Variants in TBC1D8 observed in about 807,000 individuals in gnomAD.
The protein encoded by TBC1D8 is TBC1 domain family member 8, also known as BUB2-like protein 1.
Under a neutral mutation model 118.8 loss-of-function variants are expected in TBC1D8, and 65 were observed. The observed-to-expected ratio is 0.55, with a 90% CI of 0.45 to 0.67. The LOEUF is 0.67. Ranked by LOEUF, TBC1D8 falls within the 30% of genes least tolerant of loss-of-function variation. The pLI, the probability that TBC1D8 is intolerant of heterozygous loss-of-function variation, is 0.00. For synonymous variants in TBC1D8, 566 were observed against 595.8 expected, an observed-to-expected ratio of 0.95 and a Z score of 0.73; for missense variants, 1,376 against 1,471.2, an observed-to-expected ratio of 0.94 and a Z score of 1.06.
chr2:101,117,302 CTT>C (rs545224258), intron 1 of TBC1D8, among the ~76,000 whole-genome samples: 1 of 152,310 alleles, frequency 6.6e-6, no homozygotes, highest in South Asian at 2.1e-4. Flanking sequence ...GGCCCTGGCT[CTT>C]TTCCACGCAC....
chr2:101,063,580 A>G (rs546552592), intron 2 of TBC1D8, among the ~76,000 whole-genome samples: 1 of 152,334 alleles, frequency 6.6e-6, no homozygotes, highest in South Asian at 2.1e-4. Context: ...TTTCCTCTGC[A>G]GAGAAGTCTT....
At chr2:101,096,419 C>CAAAAAAAAAAA (rs55824667) in intron 1 of TBC1D8, among the ~76,000 whole-genome samples, 6 of 43,742 alleles carry the variant, frequency 1.4e-4, no homozygotes, top group Non-Finnish European at 1.7e-4. Flanking sequence ...TGGCTTTTGA[C>CAAAAAAAAAAA]AAAAAAAAAA....
intron 2 of TBC1D8, among the ~76,000 whole-genome samples, chr2:101,084,262 C>T (rs546720316): frequency 2.6e-5 from 4 of 152,298 alleles, no homozygotes; most frequent in African/African-American, 7.2e-5. Flanking sequence ...TAGGAACACA[C>T]ATCCCACCGG....
chr2:101,024,988 T>C (rs533897601), intron 15 of TBC1D8, among the ~76,000 whole-genome samples: 21 of 152,312 alleles, frequency 1.4e-4, no homozygotes, highest in Middle Eastern at 3.4e-3. Flanking sequence ...GATTCTCATC[T>C]AGAACAAAGT....
chr2:101,091,117 T>C (rs1676006428), intron 1 of TBC1D8, among the ~76,000 whole-genome samples: 1 of 151,902 alleles, frequency 6.6e-6, no homozygotes, highest in Non-Finnish European at 1.5e-5. Context: ...ACCCCATCTC[T>C]ACTAAAATTA....
chr2:101,063,167 C>T (rs746294139), intron 2 of TBC1D8, among the ~76,000 whole-genome samples: 2 of 152,188 alleles, frequency 1.3e-5, no homozygotes, highest in Non-Finnish European at 2.9e-5. Flanking sequence ...TAACCGCATG[C>T]GTCTTCCTCA....
chr2:101,120,975 G>A (rs1678071454), intron 1 of TBC1D8, among the ~76,000 whole-genome samples: 2 of 152,228 alleles, frequency 1.3e-5, no homozygotes, highest in South Asian at 2.1e-4. Flanking sequence ...GTATCTTTAC[G>A]TTCATTTTTT....
rs1395445820 is a variant in TBC1D8, at chr2:101,072,949, C to A, written c.284-13410G>T. 2.0e-5 allele frequency among the ~76,000 whole-genome samples: 3 copies of A among 152,248 alleles called. No homozygotes were observed. The East Asian group carries it at 5.8e-4, about 29-fold the overall frequency. On this transcript the variant is annotated intron_variant, in intron 2 of 19. Coordinates refer to ENST00000409318, the MANE Select transcript of TBC1D8 (RefSeq NM_001330348.2). ...ATTTCAATATGAGATTCGAAGGGGA[C>A]AAAACACCCAAATCATATCAGTGGG...
chr2:101,146,743 T>C (rs931850809), intron 1 of TBC1D8, among the ~76,000 whole-genome samples: 7 of 152,178 alleles, frequency 4.6e-5, no homozygotes, highest in African/African-American at 1.4e-4. Context: ...AGGCTTCTCA[T>C]TCTCATAGCT....
At chr2:101,087,132 T>A (rs967529199) in intron 2 of TBC1D8, among the ~76,000 whole-genome samples, 9 of 151,972 alleles carry the variant, frequency 5.9e-5, no homozygotes, top group Non-Finnish European at 1.2e-4. Flanking sequence ...TTGGGCTGCA[T>A]TCAAAGCCCT....
At chr2:101,010,395 A>C (rs1210102619) in intron 19 of TBC1D8, among the ~76,000 whole-genome samples, 2 of 152,184 alleles carry the variant, frequency 1.3e-5, no homozygotes, top group Non-Finnish European at 2.9e-5. Flanking sequence ...AACCTGGATA[A>C]ATGAATTTTA....
intron 19 of TBC1D8, among the ~76,000 whole-genome samples, chr2:101,008,805 TTG>T (rs1403268651): frequency 6.9e-6 from 1 of 144,902 alleles, no homozygotes; most frequent in East Asian, 2.0e-4. Flanking sequence ...GAGTAAAACT[TTG>T]TCTTAAAAAA....
chr2:101,090,400 C>G, intron 1 of TBC1D8, 36 bp from the exon 2 acceptor site: 2 of 1,611,424 alleles, frequency 1.2e-6, no homozygotes, highest in African/African-American at 2.7e-5. Context: ...CACCTGTGAG[C>G]ATGGGGCTGG....
chr2:101,075,390 CAAA>C (rs11443594), intron 2 of TBC1D8, among the ~76,000 whole-genome samples: 1 of 133,342 alleles, frequency 7.5e-6, no homozygotes, highest in Non-Finnish European at 1.6e-5. Context: ...GACTCCATCT[CAAA>C]AAAAAAAAAA....
intron 3 of TBC1D8, among the ~76,000 whole-genome samples, 195 bp from the exon 4 acceptor site, chr2:101,054,531 A>AG (rs1347178299): frequency 6.6e-6 from 1 of 151,950 alleles, no homozygotes; most frequent in Non-Finnish European, 1.5e-5. Context: ...CGGCTGCAGC[A>AG]GAAAAAAAAG....
At chr2:101,135,587 C>T (rs1422529850) in intron 1 of TBC1D8, among the ~76,000 whole-genome samples, 2 of 152,216 alleles carry the variant, frequency 1.3e-5, no homozygotes, top group African/African-American at 2.4e-5. Flanking sequence ...ACATCACATT[C>T]AGCGATATGC....
intron 1 of TBC1D8, among the ~76,000 whole-genome samples, chr2:101,129,162 T>TA (rs1678477243): frequency 6.6e-6 from 1 of 152,132 alleles, no homozygotes; most frequent in African/African-American, 2.4e-5. Context: ...TAAATTGAGA[T>TA]AGAGTCTTGT....
At chr2:101,008,311 G>C (rs1678899562) in intron 19 of TBC1D8, 38 bp from the exon 20 acceptor site, 6 of 1,456,002 alleles carry the variant, frequency 4.1e-6, no homozygotes, top group Non-Finnish European at 5.4e-6. Flanking sequence ...AGCAGAACCA[G>C]GGTGGAAGTG....
intron 1 of TBC1D8, among the ~76,000 whole-genome samples, chr2:101,136,772 G>A (rs2165426): frequency 0.12 from 17,980 of 152,148 alleles, 1,305 homozygotes; most frequent in South Asian, 0.21. Context: ...ATGATCACGA[G>A]CTATACATTC....
Sources: gnomAD v4.1 joint callset for allele counts (sites outside exome capture counted in the v4.1 genomes callset) on GRCh38, gnomAD v4.1.1 for gene constraint, MANE v1.5 for transcripts, NCBI Gene and HGNC (gene_info 2026-07-23, HGNC 2026-07-21) for gene names.